The following KAZN variants were observed in gnomAD, a reference collection of about 807,000 sequenced individuals.
The protein encoded by KAZN is kazrin, periplakin interacting protein.
In KAZN, 40 loss-of-function variants were observed where a neutral mutation model predicts 87.4. The observed-to-expected ratio is 0.46, with a 90% CI of 0.36 to 0.60. KAZN has a LOEUF of 0.60. KAZN is among the 20% of genes least tolerant of loss of function. The pLI is 0.00. For missense variants in KAZN, 898 were observed against 1,073.9 expected, an observed-to-expected ratio of 0.84 and a Z score of 2.29; for synonymous variants, 466 against 458.3, an observed-to-expected ratio of 1.02 and a Z score of -0.22.
At position 15,003,566 on chromosome 1, in the gene KAZN, G is replaced by T. The variant is rs145843662; in HGVS notation, c.419-31183G>T. Among the ~76,000 whole-genome samples the T allele has an allele frequency of 5.3e-3, 809 of 152,224 alleles. 5 individuals carry two copies. Among genetic ancestry groups the T allele is most frequent in the African/African-American group, 0.019 (782 of 41,536 alleles). Reference sequence around the variant, plus strand: ...CAGAACAAAAAGAAAAATCTATTTTGCCCACTGGGTTTGGCCAAGTGAGGG... The same window carrying T: ...CAGAACAAAAAGAAAAATCTATTTTTCCCACTGGGTTTGGCCAAGTGAGGG... On this transcript the variant is annotated intron_variant, in intron 2 of 14. Transcript: ENST00000376030.
chr1:13,978,316 C>T (rs1638476703), intron 1 of KAZN, among the ~76,000 whole-genome samples: 1 of 151,840 alleles, frequency 6.6e-6, no homozygotes. Flanking sequence ...AAGAAATTAC[C>T]ACACATCCTA....
In KAZN at chr1:14,949,644, A is replaced by C. The variant is rs1282532696; in HGVS notation, c.227-11040A>C. ...AAGGTGTTACCCAAACCTCCGGCAG[A>C]CCCCAGGGGGCTGCGTCCTGCAGTG... On this transcript the variant is annotated intron_variant, in intron 1 of 14. Transcript: ENST00000376030. The surrounding 1 kb of genome is among the most constrained non-coding windows in gnomAD (Gnocchi z 4.3). Among the ~76,000 whole-genome samples the C allele has an allele frequency of 6.6e-6, 1 of 152,056 alleles. No homozygotes were observed. The highest frequency in any genetic ancestry group is 1.5e-5 in the Non-Finnish European group (1 of 68,010).
chr1:14,749,781 C>T (rs937176216), intron 1 of KAZN, among the ~76,000 whole-genome samples: 12 of 152,154 alleles, frequency 7.9e-5, no homozygotes, highest in African/African-American at 2.9e-4. Context: ...GGGAGCCATT[C>T]TCCTTGGCCC....
intron 1 of KAZN, among the ~76,000 whole-genome samples, chr1:14,718,386 A>G (rs1470511971): frequency 6.6e-6 from 1 of 152,160 alleles, no homozygotes; most frequent in African/African-American, 2.4e-5. Flanking sequence ...GAGAGTACAG[A>G]CCAGATTTCC....
At chr1:14,974,312 T>C (rs1355492968) in intron 2 of KAZN, among the ~76,000 whole-genome samples, 1 of 152,142 alleles carries the variant, frequency 6.6e-6, no homozygotes. Flanking sequence ...TGCATTTGTG[T>C]CCAGCTTTGC....
At chr1:14,870,006 A>T (rs1315094157) in intron 1 of KAZN, among the ~76,000 whole-genome samples, 2 of 152,172 alleles carry the variant, frequency 1.3e-5, no homozygotes, top group African/African-American at 4.8e-5. Context: ...AGGTAAGAAA[A>T]ATCACATGGA....
intron 3 of KAZN, among the ~76,000 whole-genome samples, chr1:15,036,021 C>T (rs531772439): frequency 1.3e-5 from 2 of 152,040 alleles, no homozygotes; most frequent in Admixed American, 1.3e-4. Flanking sequence ...ATGCTTGGTC[C>T]CCCCTACCCA....
At chr1:15,102,937 G>A (rs1019466964) in intron 11 of KAZN, among the ~76,000 whole-genome samples, 21 of 152,306 alleles carry the variant, frequency 1.4e-4, no homozygotes, top group African/African-American at 2.6e-4. Flanking sequence ...AAGGAGGCAC[G>A]TGTGGGAGAT....
intron 2 of KAZN, among the ~76,000 whole-genome samples, chr1:14,570,099 C>A (rs144583921): frequency 6.6e-6 from 1 of 151,762 alleles, no homozygotes; most frequent in Non-Finnish European, 1.5e-5. Flanking sequence ...GGTGACAGAG[C>A]GAGACTCCGT....
intron 1 of KAZN, among the ~76,000 whole-genome samples, chr1:14,004,040 T>C (rs144691144): frequency 0.013 from 1,924 of 151,844 alleles, 40 homozygotes; most frequent in African/African-American, 0.045. Flanking sequence ...AAGCAGGCAA[T>C]TTAATAGAAA....
At chr1:13,958,559 GC>G (rs1163350724) in intron 1 of KAZN, among the ~76,000 whole-genome samples, 2 of 139,308 alleles carry the variant, frequency 1.4e-5, no homozygotes, top group African/African-American at 5.5e-5. Context: ...GGGCGACAGA[GC>G]CAGACTCCAT....
chr1:14,772,859 T>C (rs534703134), intron 1 of KAZN, among the ~76,000 whole-genome samples: 3 of 152,266 alleles, frequency 2.0e-5, no homozygotes, highest in Non-Finnish European at 4.4e-5. Flanking sequence ...AAGAGAAAGC[T>C]GAGAATTTTC....
intron 1 of KAZN, among the ~76,000 whole-genome samples, chr1:14,000,807 G>T (rs944133626): frequency 6.6e-5 from 10 of 151,550 alleles, no homozygotes; most frequent in Admixed American, 2.6e-4. Context: ...TTTTGAGACG[G>T]AGTCTCGCTC....
intron 2 of KAZN, among the ~76,000 whole-genome samples, chr1:14,444,184 G>A (rs566031676): frequency 3.9e-4 from 59 of 152,042 alleles, no homozygotes; most frequent in African/African-American, 1.4e-3. Context: ...TTCATGAGAT[G>A]TACATATACC....
At chr1:14,058,017 T>C (rs1218109164) in intron 1 of KAZN, among the ~76,000 whole-genome samples, 1 of 152,212 alleles carries the variant, frequency 6.6e-6, no homozygotes, top group African/African-American at 2.4e-5. Flanking sequence ...CCATTGATAA[T>C]GTGGAAAAGT....
At chr1:14,678,260 G>A (rs1485897309) in intron 1 of KAZN, among the ~76,000 whole-genome samples, 6 of 152,196 alleles carry the variant, frequency 3.9e-5, no homozygotes, top group Non-Finnish European at 8.8e-5. Flanking sequence ...AGAAGAAGGT[G>A]GAAGAAGCTG....
intron 2 of KAZN, among the ~76,000 whole-genome samples, chr1:14,232,143 CCTT>C (rs1295493527): frequency 6.6e-6 from 1 of 152,056 alleles, no homozygotes; most frequent in Admixed American, 6.5e-5. Flanking sequence ...ACATCTAGTC[CCTT>C]TGCCCCACCT....
intron 1 of KAZN, among the ~76,000 whole-genome samples, chr1:13,992,410 T>A (rs1639326459): frequency 1.3e-5 from 2 of 152,190 alleles, no homozygotes; most frequent in Non-Finnish European, 2.9e-5. Flanking sequence ...TTTACTCTCC[T>A]CTTTTGCTGT....
chr1:14,372,631 A>G (rs1039219560), intron 2 of KAZN, among the ~76,000 whole-genome samples: 2 of 152,238 alleles, frequency 1.3e-5, no homozygotes, highest in African/African-American at 4.8e-5. Context: ...TTGCTCTAAA[A>G]TAACGGGAAT....
Sources: allele counts gnomAD v4.1 joint callset (sites outside exome capture counted in the v4.1 genomes callset), GRCh38; gene constraint gnomAD v4.1.1; non-coding constraint Gnocchi (gnomAD v3.1); transcripts MANE v1.5; gene names NCBI Gene and HGNC (gene_info 2026-07-23, HGNC 2026-07-21).